The following FAM50A variants were observed in gnomAD, a reference collection of about 807,000 sequenced individuals.
FAM50A encodes the protein protein FAM50A.
A neutral mutation model predicts 35.5 loss-of-function variants in FAM50A; 6 were observed. The observed-to-expected ratio is 0.17, with a 90% CI of 0.09 to 0.33. FAM50A has a LOEUF of 0.33. FAM50A is among the 10% of genes least tolerant of loss of function. FAM50A has a pLI of 1.00. For missense variants in FAM50A, 145 were observed against 295.5 expected (o/e 0.49, Z 3.73); for synonymous variants, 120 against 110.9 (o/e 1.08, Z -0.52).
At chrX:154,445,389 G>A (rs1036611833) in intron 1 of FAM50A, 8 of 425,946 alleles carry the variant, frequency 1.9e-5, no homozygotes, top group African/African-American at 2.5e-5. Flanking sequence ...CAGTAGGGTC[G>A]GTGGCTTCAG....
At chrX:154,449,080 T>C (rs2068793753) in intron 7 of FAM50A, 126 bp downstream of exon 7, 1 of 892,937 alleles carries the variant, frequency 1.1e-6, no homozygotes, top group Admixed American at 2.6e-5. Context: ...CTCCAGGGCC[T>C]GGCCCCCTGT....
In FAM50A at chrX:154,450,521, G is replaced by A. The variant is rs898528069; in HGVS notation, c.*89G>A. On this transcript the variant is annotated 3_prime_UTR_variant, in exon 13 of 13. Coordinates refer to ENST00000393600, the MANE Select transcript of FAM50A (RefSeq NM_004699.4). ...GGACTCCAGGCACCCGCTCCCCTGCGACCATGCCAGGCACGCTGGGAGGAG... is the reference window on the plus strand; with the variant it reads ...GGACTCCAGGCACCCGCTCCCCTGCAACCATGCCAGGCACGCTGGGAGGAG... 22 of 986,996 alleles carry A rather than the reference G, an allele frequency of 2.2e-5. No individual in the cohort carries two copies. The highest frequency in any genetic ancestry group is 1.9e-4 in the Admixed American group (8 of 41,288). The allele number at this position is 986,996 out of a possible 1,213,427, so 81.3% of individuals were successfully genotyped here. A position where few individuals can be genotyped will look rare whatever the true frequency, so the allele number is the denominator to read the frequency against.
At position 154,449,907 on chromosome X, in the gene FAM50A, G is replaced by A. The variant is rs1199099896; in HGVS notation, c.805G>A (p.Val269Ile). 1 of 1,211,445 alleles carries A rather than the reference G, an allele frequency of 8.3e-7. No homozygotes were observed. The highest frequency in any genetic ancestry group is 1.1e-6 in the Non-Finnish European group (1 of 895,341). The change falls in exon 10 of 13, where the codon GTC becomes ATC. Residue 269 changes from valine (V) to isoleucine (I), a missense_variant. Transcript: ENST00000393600. ...PHHHSFYDFI[V>I]TKARGKSGPL... ...GCATCACAGCTTCTACGACTTCATCGTCACCAAGGCACGGGGGAAGAGTGG... is the reference window on the plus strand; with the variant it reads ...GCATCACAGCTTCTACGACTTCATCATCACCAAGGCACGGGGGAAGAGTGG...
At chrX:154,447,961 C>T (rs1468776879) in intron 4 of FAM50A, among the ~76,000 whole-genome samples, 3 of 110,971 alleles carry the variant, frequency 2.7e-5, no homozygotes, top group Non-Finnish European at 3.8e-5. Flanking sequence ...CCACAGGTTC[C>T]GTTTAGGGGG....
chrX:154,446,831 G>A (rs2068784504), intron 4 of FAM50A, among the ~76,000 whole-genome samples: 1 of 112,396 alleles, frequency 8.9e-6, no homozygotes, highest in African/African-American at 3.2e-5. Flanking sequence ...GCACTAAATG[G>A]TGAATTCTGT....
intron 12 of FAM50A, 35 bp downstream of exon 12, chrX:154,450,354 G>A (rs781843516): frequency 8.3e-7 from 1 of 1,203,610 alleles, no homozygotes; most frequent in Non-Finnish European, 1.1e-6. Flanking sequence ...CTCCAAGTTG[G>A]GGACGGCAGC....
At chrX:154,449,370 T>A (rs1427055499) in intron 8 of FAM50A, 73 bp downstream of exon 8, 2 of 887,282 alleles carry the variant, frequency 2.3e-6, no homozygotes, top group Non-Finnish European at 3.3e-6. Flanking sequence ...AGACACCCAG[T>A]GTGATGTGGG....
chrX:154,444,488 C>T (rs2068773927), intron 1 of FAM50A, 142 bp downstream of exon 1: 1 of 248,568 alleles, frequency 4.0e-6, no homozygotes, highest in African/African-American at 3.4e-5. Flanking sequence ...CGCTGACTTC[C>T]AGCAGGGCAC....
chrX:154,448,812 C>G, intron 6 of FAM50A, 56 bp downstream of exon 6: 1 of 1,192,530 alleles, frequency 8.4e-7, no homozygotes, highest in East Asian at 3.0e-5. Context: ...GCTTCCCTGT[C>G]CACAGTCTCC....
At chrX:154,448,853 T>G (rs781966283) in intron 6 of FAM50A, 40 bp from the exon 7 acceptor site, 1 of 1,194,425 alleles carries the variant, frequency 8.4e-7, no homozygotes, top group Admixed American at 2.2e-5. Context: ...AAGGCTGCTC[T>G]CAGTGGGGCT....
chrX:154,444,400 C>T (rs1199699790), intron 1 of FAM50A, 54 bp downstream of exon 1: 14 of 794,245 alleles, frequency 1.8e-5, no homozygotes, highest in Non-Finnish European at 2.4e-5. Flanking sequence ...CCGGCGGCCC[C>T]GCGCCACGCT....
At chrX:154,445,977 C>G (rs2068780965) in intron 3 of FAM50A, 66 bp downstream of exon 3, 1 of 874,487 alleles carries the variant, frequency 1.1e-6, no homozygotes, top group Admixed American at 2.5e-5. Context: ...GCTGGTCGGG[C>G]TCTTTTTGCA....
chrX:154,449,400 C>T, intron 8 of FAM50A, 103 bp downstream of exon 8: 1 of 678,333 alleles, frequency 1.5e-6, no homozygotes. Flanking sequence ...GGCAAGCAAG[C>T]AGCGTGCTGG....
chrX:154,449,293 C>CTGAGGTG lies in FAM50A; in HGVS notation c.725+6_725+12dup. On this transcript the variant is annotated frameshift_variant, in exon 8 of 13. Transcript: ENST00000393600. LOFTEE classifies it high-confidence loss of function. ...GATCCTTCGGAAAGACTTCAGTGAG[C>CTGAGGTG]TGAGGTGTGAGGTGTGCGTGTGTGC... The CTGAGGTG allele has an allele frequency of 6.6e-6, 8 of 1,204,308 alleles. No homozygotes were observed. The highest frequency in any genetic ancestry group is 1.8e-5 in the South Asian group (1 of 56,872).
chrX:154,444,526 C>T (rs2068774162), intron 1 of FAM50A, 180 bp downstream of exon 1: 1 of 234,549 alleles, frequency 4.3e-6, no homozygotes, highest in Middle Eastern at 1.3e-3. Flanking sequence ...ACAGTCTCAT[C>T]TGTGAAATGG....
Position 154,450,449 on chromosome X carries a change from G to C in FAM50A, c.*17G>C, listed in dbSNP as rs782808262. On this transcript the variant is annotated 3_prime_UTR_variant, in exon 13 of 13. Coordinates refer to ENST00000393600, the MANE Select transcript of FAM50A (RefSeq NM_004699.4). ...ATCCGCTGAGCATCCAGGAGGCTGC[G>C]CGGCCCCGGCTCCTCAGCTCCCTCA... 8.3e-7 allele frequency: 1 copy of C among 1,206,254 alleles called. No individual in the cohort carries two copies. Among genetic ancestry groups the C allele is most frequent in the Non-Finnish European group, 1.1e-6 (1 of 892,997 alleles).
chrX:154,447,073 T>C (rs1451303449), intron 4 of FAM50A, among the ~76,000 whole-genome samples: 1 of 111,342 alleles, frequency 9.0e-6, no homozygotes, highest in Non-Finnish European at 1.9e-5. Context: ...CACCATGCAC[T>C]GAAGACACTA....
chrX:154,449,048 C>T (rs2068793684), intron 7 of FAM50A, 94 bp downstream of exon 7: 2 of 979,336 alleles, frequency 2.0e-6, no homozygotes, highest in South Asian at 4.3e-5. Context: ...TGGGAAGCCC[C>T]AGGGATCCTG....
intron 1 of FAM50A, chrX:154,444,774 C>A (rs1198343954): frequency 8.8e-6 from 1 of 113,304 alleles, no homozygotes; most frequent in African/African-American, 3.2e-5. Context: ...CAGGGCGGTT[C>A]GTCTCCCCCT....
Sources: gnomAD v4.1 joint callset for allele counts (sites outside exome capture counted in the v4.1 genomes callset) on GRCh38, gnomAD v4.1.1 for gene constraint, MANE v1.5 for transcripts, NCBI Gene and HGNC (gene_info 2026-07-23, HGNC 2026-07-21) for gene names.